MGAM2: variants seen among roughly 807,000 people sequenced by gnomAD.
MGAM2 encodes probable maltase-glucoamylase 2.
A neutral mutation model predicts 96.1 loss-of-function variants in MGAM2; 98 were observed. That is an observed-to-expected ratio of 1.02 (90% CI 0.87 to 1.21). The LOEUF is 1.21. MGAM2 is among the 50% of genes most tolerant of loss of function. The pLI, the probability that MGAM2 is intolerant of heterozygous loss-of-function variation, is 0.00. For synonymous variants in MGAM2, 749 were observed against 414.8 expected (o/e 1.81, Z -9.79); for missense variants, 2,055 against 1,182.4 (o/e 1.74, Z -10.82).
At chr7:142,119,016 T>C (rs1378228570) in intron 2 of MGAM2, among the ~76,000 whole-genome samples, 1 of 152,278 alleles carries the variant, frequency 6.6e-6, no homozygotes, top group South Asian at 2.1e-4. Context: ...AAAAAAACTT[T>C]GTGCTTTGAA....
chr7:142,115,818 T>G (rs1239762342), intron 1 of MGAM2, among the ~76,000 whole-genome samples: 2 of 152,102 alleles, frequency 1.3e-5, no homozygotes, highest in Non-Finnish European at 2.9e-5. Context: ...GCACTCCAGC[T>G]GGGCAACAAG....
At chr7:142,126,454 G>A (rs1038495422) in intron 3 of MGAM2, among the ~76,000 whole-genome samples, 2 of 151,216 alleles carry the variant, frequency 1.3e-5, no homozygotes, top group Middle Eastern at 3.6e-3. Context: ...TATATAATAT[G>A]AGGATATTTT....
chr7:142,166,636 T>C (rs988083562), intron 25 of MGAM2, among the ~76,000 whole-genome samples: 7 of 152,178 alleles, frequency 4.6e-5, no homozygotes, highest in African/African-American at 1.7e-4. Context: ...AGTGATTTCC[T>C]CTAGATTACA....
chr7:142,215,804 ATGT>A (rs1320727135), intron 46 of MGAM2, among the ~76,000 whole-genome samples: 18 of 152,022 alleles, frequency 1.2e-4, no homozygotes, highest in South Asian at 4.1e-4. Context: ...ATATTGAAAA[ATGT>A]TGTAATAATA....
At chr7:142,160,020 T>A (rs1795842935) in intron 20 of MGAM2, 114 bp from the exon 21 acceptor site, 1 of 586,330 alleles carries the variant, frequency 1.7e-6, no homozygotes, top group Non-Finnish European at 3.0e-6. Flanking sequence ...CACTTTGGGG[T>A]TCTCTGTTTG....
intron 14 of MGAM2, among the ~76,000 whole-genome samples, chr7:142,145,727 C>A (rs1795363427): frequency 6.6e-6 from 1 of 151,962 alleles, no homozygotes; most frequent in Admixed American, 6.5e-5. Flanking sequence ...TCCTCAGAGA[C>A]CTTTGTTTCT....
At chr7:142,113,308 G>C (rs1368687791) in intron 1 of MGAM2, among the ~76,000 whole-genome samples, 3 of 152,090 alleles carry the variant, frequency 2.0e-5, no homozygotes, top group African/African-American at 4.8e-5. Flanking sequence ...CTGAGCAGCT[G>C]GGGTTAGGAC....
intron 46 of MGAM2, among the ~76,000 whole-genome samples, chr7:142,217,497 A>G (rs1368310743): frequency 1.3e-5 from 2 of 152,198 alleles, no homozygotes; most frequent in Non-Finnish European, 2.9e-5. Flanking sequence ...AGGGAAAATA[A>G]CTTTCATAAT....
chr7:142,164,079 T>A (rs1054988540), intron 23 of MGAM2, among the ~76,000 whole-genome samples: 18 of 152,214 alleles, frequency 1.2e-4, no homozygotes, highest in African/African-American at 4.1e-4. Context: ...TATGTAAGAT[T>A]TAGGTTGGGG....
chr7:142,183,304 A>G lies in MGAM2; in HGVS notation c.3855A>G (p.Pro1285=), dbSNP rs1163136942. ...CTGGCAATGAGACACAGTATCTCCC[A>G]TTCATTAGAGGACAGGAAAATAACG... The part of the protein sequence containing the change: ...AISGNETQYL[P]FIRGQENNVF... The change falls in exon 33 of 48, where the codon CCA becomes CCG. Residue 1285 remains proline (P), a synonymous_variant. Coordinates refer to ENST00000477922, the MANE Select transcript of MGAM2 (RefSeq NM_001293626.2). The G allele has an allele frequency of 1.4e-6, 1 of 703,584 alleles. No individual in the cohort carries two copies. The highest frequency in any genetic ancestry group is 1.5e-5 in the South Asian group (1 of 67,590). 43.6% of individuals were successfully genotyped at this position (703,584 alleles called of 1,614,324 possible). A position where few individuals can be genotyped will look rare whatever the true frequency, so the allele number is the denominator to read the frequency against.
chr7:142,152,398 G>A (rs1795607578), intron 15 of MGAM2, among the ~76,000 whole-genome samples: 1 of 152,200 alleles, frequency 6.6e-6, no homozygotes, highest in Non-Finnish European at 1.5e-5. Context: ...AGTGGGGATA[G>A]GAGTTGAGTG....
intron 1 of MGAM2, among the ~76,000 whole-genome samples, chr7:142,112,861 AAGAG>A (rs1453660904): frequency 1.3e-5 from 2 of 152,216 alleles, no homozygotes; most frequent in Non-Finnish European, 2.9e-5. Flanking sequence ...TTTAGACTAA[AAGAG>A]AGACAACTGA....
At chr7:142,164,166 T>C (rs879450831) in intron 23 of MGAM2, among the ~76,000 whole-genome samples, 35 of 152,226 alleles carry the variant, frequency 2.3e-4, no homozygotes, top group Admixed American at 2.1e-3. Flanking sequence ...AAAAATCATT[T>C]GGGCATATAT....
At chr7:142,157,211 T>A (rs920582634) in intron 17 of MGAM2, among the ~76,000 whole-genome samples, 4 of 144,636 alleles carry the variant, frequency 2.8e-5, no homozygotes, top group African/African-American at 1.1e-4. Context: ...AGGCAATGGA[T>A]TTTTTTTTAG....
chr7:142,211,227 A>G (rs1455921604), intron 46 of MGAM2, among the ~76,000 whole-genome samples: 2 of 152,234 alleles, frequency 1.3e-5, no homozygotes, highest in African/African-American at 4.8e-5. Flanking sequence ...ATCCACGAAG[A>G]TGAGGAAAAC....
At chr7:142,162,690 T>C (rs1795923711) in intron 23 of MGAM2, among the ~76,000 whole-genome samples, 1 of 151,150 alleles carries the variant, frequency 6.6e-6, no homozygotes, top group Admixed American at 6.6e-5. Flanking sequence ...ATAATTTATA[T>C]ATAAGGTATA....
At chr7:142,155,211 G>A (rs985448686) in intron 17 of MGAM2, among the ~76,000 whole-genome samples, 3 of 152,180 alleles carry the variant, frequency 2.0e-5, no homozygotes, top group Non-Finnish European at 2.9e-5. Context: ...GGAACAAGGA[G>A]AAAGAATTTA....
intron 13 of MGAM2, among the ~76,000 whole-genome samples, chr7:142,144,654 A>G (rs1051975469): frequency 2.6e-5 from 4 of 152,244 alleles, no homozygotes; most frequent in African/African-American, 4.8e-5. Flanking sequence ...GAAGTGGAAC[A>G]TACCTTAAAA....
At chr7:142,123,111 C>A (rs552920083) in intron 3 of MGAM2, among the ~76,000 whole-genome samples, 1 of 152,058 alleles carries the variant, frequency 6.6e-6, no homozygotes, top group Non-Finnish European at 1.5e-5. Flanking sequence ...GGTGAGCCAC[C>A]GCGCCCGACC....
Sources: allele counts gnomAD v4.1 joint callset (sites outside exome capture counted in the v4.1 genomes callset), GRCh38; gene constraint gnomAD v4.1.1; transcripts MANE v1.5; gene names NCBI Gene and HGNC (gene_info 2026-07-23, HGNC 2026-07-21).